The following APP variants were observed in gnomAD, a reference collection of about 807,000 sequenced individuals.
The protein encoded by APP is amyloid-beta precursor protein.
In APP, 31 loss-of-function variants were observed where a neutral mutation model predicts 101.4. The observed-to-expected ratio is 0.31, with a 90% CI of 0.23 to 0.41. APP has a LOEUF of 0.41. Among genes scored for constraint, APP ranks in the 10% least tolerant of loss-of-function variants. APP has a pLI of 1.00. For synonymous variants in APP, 366 were observed against 364.4 expected (o/e 1.00, Z -0.05); for missense variants, 839 against 1,003.7 (o/e 0.84, Z 2.22).
At chr21:26,037,084 C>CT (rs2045149996) in intron 5 of APP, among the ~76,000 whole-genome samples, 1 of 152,150 alleles carries the variant, frequency 6.6e-6, no homozygotes, top group Non-Finnish European at 1.5e-5. Context: ...ATGGATGGAA[C>CT]TGGAGGACAT....
chr21:25,930,662 A>T (rs1268862083), intron 13 of APP, among the ~76,000 whole-genome samples: 1 of 152,186 alleles, frequency 6.6e-6, no homozygotes, highest in East Asian at 1.9e-4. Flanking sequence ...ATCCTTGTAT[A>T]TATGATAGCT....
At chr21:26,061,864 C>T (rs561235073) in intron 3 of APP, among the ~76,000 whole-genome samples, 1 of 152,308 alleles carries the variant, frequency 6.6e-6, no homozygotes, top group African/African-American at 2.4e-5. Flanking sequence ...TCCAAGTGCA[C>T]AGATCCAGCC....
chr21:26,125,315 A>G (rs762510544), intron 1 of APP, among the ~76,000 whole-genome samples: 1 of 152,158 alleles, frequency 6.6e-6, no homozygotes, highest in African/African-American at 2.4e-5. Context: ...ATTAAAAGCT[A>G]TATTTTAGGG....
chr21:26,168,338 GAC>G (rs1380049551), intron 1 of APP, among the ~76,000 whole-genome samples: 1 of 152,046 alleles, frequency 6.6e-6, no homozygotes, highest in Admixed American at 6.6e-5. Context: ...CTTTTCAGTG[GAC>G]ACAGAGAGAA....
intron 1 of APP, chr21:26,140,108 C>T: frequency 7.4e-7 from 1 of 1,359,150 alleles, no homozygotes; most frequent in African/African-American, 1.4e-5. Flanking sequence ...TCATCTTACC[C>T]AAATACAGAC....
rs909143283 is a variant in APP, at chr21:26,165,475, G to A, written c.57+5089C>T. ...AAACAAAGACAGAATTTATGCCCAT[G>A]CATTCCTGCCCTGGTCTAAACTCTC... is the stretch of plus-strand genomic sequence containing the variant. On this transcript the variant is annotated intron_variant, in intron 1 of 17. Coordinates refer to ENST00000346798, the MANE Select transcript of APP (RefSeq NM_000484.4). Among the ~76,000 whole-genome samples, 51 of 152,222 alleles carry A rather than the reference G, an allele frequency of 3.4e-4. 1 individual carries two copies. The highest frequency in any genetic ancestry group is 1.2e-3 in the African/African-American group (51 of 41,456).
At chr21:25,999,722 C>A (rs1262041482) in intron 7 of APP, among the ~76,000 whole-genome samples, 1 of 152,174 alleles carries the variant, frequency 6.6e-6, no homozygotes, top group Non-Finnish European at 1.5e-5. Context: ...ACAGCCACTC[C>A]AGCTTTGTTT....
intron 14 of APP, among the ~76,000 whole-genome samples, chr21:25,910,802 A>G (rs2039033438): frequency 6.6e-6 from 1 of 152,236 alleles, no homozygotes; most frequent in Non-Finnish European, 1.5e-5. Context: ...CTTAAGCAAA[A>G]TTAAATTTTA....
intron 3 of APP, among the ~76,000 whole-genome samples, chr21:26,056,186 C>T (rs908826119): frequency 2.6e-5 from 4 of 152,052 alleles, no homozygotes; most frequent in Non-Finnish European, 4.4e-5. Flanking sequence ...TACAGCTGTG[C>T]ACCATCATGC....
intron 1 of APP, among the ~76,000 whole-genome samples, chr21:26,148,239 T>C (rs2063192986): frequency 6.6e-6 from 1 of 152,010 alleles, no homozygotes; most frequent in Admixed American, 6.5e-5. Flanking sequence ...TTGGCAGAGA[T>C]TTTTCAAAGC....
chr21:26,112,810 T>C (rs2062358405), intron 1 of APP, among the ~76,000 whole-genome samples: 1 of 152,140 alleles, frequency 6.6e-6, no homozygotes, highest in South Asian at 2.1e-4. Context: ...CTCCCAACCA[T>C]CTGCAAGGAG....
intron 1 of APP, among the ~76,000 whole-genome samples, chr21:26,164,000 A>C (rs2063553993): frequency 6.6e-6 from 1 of 152,150 alleles, no homozygotes; most frequent in Non-Finnish European, 1.5e-5. Context: ...TAATCGCAGC[A>C]CTTTGGGAGG....
At chr21:26,131,536 A>C (rs2062797206) in intron 1 of APP, among the ~76,000 whole-genome samples, 1 of 152,226 alleles carries the variant, frequency 6.6e-6, no homozygotes, top group Non-Finnish European at 1.5e-5. Flanking sequence ...TAATGGAGGC[A>C]TGCTTAAATA....
At chr21:25,980,680 AAAAC>A (rs200348454) in intron 9 of APP, among the ~76,000 whole-genome samples, 3,429 of 92,160 alleles carry the variant, frequency 0.037, 123 homozygotes, top group African/African-American at 0.12. Flanking sequence ...AACAAAAAAC[AAAAC>A]AAACAAACAA....
At chr21:25,908,149 C>T (rs1171650590) in intron 14 of APP, among the ~76,000 whole-genome samples, 2 of 152,234 alleles carry the variant, frequency 1.3e-5, no homozygotes, top group Admixed American at 1.3e-4. Flanking sequence ...AACGCTAATG[C>T]TTCCAGCCAG....
chr21:26,029,020 G>A lies in APP; in HGVS notation c.663-6978C>T, dbSNP rs554933958. On this transcript the variant is annotated intron_variant, in intron 5 of 17. Transcript: ENST00000346798. ...GCACGGCAAAACCAAGAGAGTGCAT[G>A]GATGGCTGAGGCAGGGGTAAGAGCA... Among the ~76,000 whole-genome samples, 85 of 152,252 alleles carry A rather than the reference G, an allele frequency of 5.6e-4. 2 individuals carry two copies. In the South Asian group the frequency reaches 7.1e-3, roughly 13 times the overall value.
chr21:26,041,828 A>G (rs577999404), intron 5 of APP, among the ~76,000 whole-genome samples: 26 of 53,648 alleles, frequency 4.8e-4, no homozygotes, highest in Non-Finnish European at 6.5e-4. Context: ...TATTCAATAC[A>G]GGAATCGAGC....
chr21:26,013,757 T>C (rs1041826693), intron 6 of APP, among the ~76,000 whole-genome samples: 6 of 152,180 alleles, frequency 3.9e-5, no homozygotes, highest in African/African-American at 1.4e-4. Flanking sequence ...CACACACTTC[T>C]ATATGGCTCT....
intron 3 of APP, among the ~76,000 whole-genome samples, chr21:26,053,784 T>C (rs1180079580): frequency 6.6e-6 from 1 of 152,214 alleles, no homozygotes; most frequent in African/African-American, 2.4e-5. Flanking sequence ...GTAACAGAAA[T>C]TTTAGCATTT....
Sources: gnomAD v4.1 joint callset for allele counts (sites outside exome capture counted in the v4.1 genomes callset) on GRCh38, gnomAD v4.1.1 for gene constraint, MANE v1.5 for transcripts, NCBI Gene and HGNC (gene_info 2026-07-23, HGNC 2026-07-21) for gene names.